Variants in TMEM232 observed in about 807,000 individuals in gnomAD.
The protein encoded by TMEM232 is transmembrane protein 232.
A neutral mutation model predicts 78.8 loss-of-function variants in TMEM232; 80 were observed. The ratio of observed to expected loss-of-function variants is 1.01; its 90% CI spans 0.85 to 1.22. TMEM232 has a LOEUF of 1.22. Ranked by LOEUF, TMEM232 falls within the 50% of genes most tolerant of loss-of-function variation. TMEM232 has a pLI of 0.00. For missense variants in TMEM232, 881 were observed against 742.2 expected (o/e 1.19, Z -2.17); for synonymous variants, 297 against 254.3 (o/e 1.17, Z -1.60).
At chr5:110,477,271 G>C (rs1010280748) in intron 12 of TMEM232, among the ~76,000 whole-genome samples, 3 of 151,836 alleles carry the variant, frequency 2.0e-5, no homozygotes, top group Admixed American at 2.0e-4. Flanking sequence ...TCCATAAAAA[G>C]CACCAAACTA....
chr5:110,408,604 A>G (rs59037355), intron 2 of TMEM232, among the ~76,000 whole-genome samples: 5,458 of 152,100 alleles, frequency 0.036, 350 homozygotes, highest in African/African-American at 0.13. Context: ...AACAAAACAA[A>G]ACAGAGACCC....
chr5:110,674,011 C>A (rs559537904), intron 1 of TMEM232, among the ~76,000 whole-genome samples: 11 of 141,296 alleles, frequency 7.8e-5, no homozygotes, highest in Non-Finnish European at 1.5e-4. Flanking sequence ...AAAAAGCAGT[C>A]TGAGGAAAAA....
At chr5:110,487,658 C>G (rs757828806) in intron 12 of TMEM232, among the ~76,000 whole-genome samples, 6 of 151,944 alleles carry the variant, frequency 3.9e-5, no homozygotes, top group Non-Finnish European at 7.4e-5. Context: ...GGTATAAAAC[C>G]CACTTGATGA....
chr5:110,738,699 G>C, upstream of TMEM232: 1 of 234,326 alleles, frequency 4.3e-6, no homozygotes, highest in South Asian at 5.2e-5. Flanking sequence ...TGTGACATGG[G>C]GTATTTCTGG....
At chr5:110,559,347 T>C (rs2149650156) in intron 11 of TMEM232, among the ~76,000 whole-genome samples, 1 of 152,232 alleles carries the variant, frequency 6.6e-6, no homozygotes, top group South Asian at 2.1e-4. Flanking sequence ...ATAAAATGAA[T>C]GGCGTTACAA....
intron 13 of TMEM232, 133 bp downstream of exon 13, chr5:110,424,690 T>C: frequency 1.4e-6 from 1 of 722,306 alleles, no homozygotes; most frequent in Non-Finnish European, 2.3e-6. Flanking sequence ...TATAATTCAG[T>C]TTGGCAAACC....
At chr5:110,647,175 G>A (rs1485876484) in intron 2 of TMEM232, among the ~76,000 whole-genome samples, 2 of 151,904 alleles carry the variant, frequency 1.3e-5, no homozygotes, top group Non-Finnish European at 2.9e-5. Flanking sequence ...AGTAAATGAA[G>A]AGATGTCCTT....
At chr5:110,624,637 A>C (rs1288182286) in intron 7 of TMEM232, among the ~76,000 whole-genome samples, 1 of 152,130 alleles carries the variant, frequency 6.6e-6, no homozygotes, top group East Asian at 1.9e-4. Flanking sequence ...TACTCAGTAA[A>C]TGTCACTTGT....
At chr5:110,506,832 A>G (rs771052018) in intron 12 of TMEM232, among the ~76,000 whole-genome samples, 9 of 152,146 alleles carry the variant, frequency 5.9e-5, no homozygotes, top group Non-Finnish European at 1.2e-4. Context: ...ACTTTCATTT[A>G]TTTAAGTATA....
intron 10 of TMEM232, among the ~76,000 whole-genome samples, chr5:110,575,347 T>C (rs1179570822): frequency 6.6e-6 from 1 of 152,034 alleles, no homozygotes; most frequent in Non-Finnish European, 1.5e-5. Context: ...CTTTAAAAGT[T>C]AGCTGATTCT....
At chr5:110,592,463 T>C (rs1005836326) in intron 10 of TMEM232, among the ~76,000 whole-genome samples, 1 of 152,168 alleles carries the variant, frequency 6.6e-6, no homozygotes, top group African/African-American at 2.4e-5. Flanking sequence ...TAGAAAAATG[T>C]ACTGACTTTG....
intron 11 of TMEM232, among the ~76,000 whole-genome samples, chr5:110,550,442 A>G (rs1016970686): frequency 1.1e-4 from 16 of 152,144 alleles, no homozygotes; most frequent in African/African-American, 3.4e-4. Flanking sequence ...AAGAAAATGT[A>G]AAAAAGTTTA....
intron 13 of TMEM232, among the ~76,000 whole-genome samples, chr5:110,421,004 CATT>C (rs1756579510): frequency 6.6e-6 from 1 of 150,536 alleles, no homozygotes; most frequent in African/African-American, 2.4e-5. Flanking sequence ...AAAAAGAAGA[CATT>C]ATAGGTTTTG....
intron 1 of TMEM232, among the ~76,000 whole-genome samples, chr5:110,702,853 T>G (rs1270033734): frequency 6.6e-6 from 1 of 152,022 alleles, no homozygotes; most frequent in African/African-American, 2.4e-5. Context: ...GAGCTTGTCA[T>G]TTGGCCAAAA....
At chr5:110,655,616 T>C (rs1440471513) in intron 2 of TMEM232, among the ~76,000 whole-genome samples, 1 of 148,858 alleles carries the variant, frequency 6.7e-6, no homozygotes, top group Non-Finnish European at 1.5e-5. Flanking sequence ...CGTATGTTTA[T>C]TGCGGCACTA....
intron 10 of TMEM232, among the ~76,000 whole-genome samples, chr5:110,586,893 A>G (rs1778881502): frequency 1.3e-5 from 2 of 152,184 alleles, no homozygotes; most frequent in South Asian, 2.1e-4. Flanking sequence ...GTGTAATCTT[A>G]TAACATTCTC....
At chr5:110,702,596 A>G (rs1345590917) in intron 1 of TMEM232, among the ~76,000 whole-genome samples, 3 of 152,014 alleles carry the variant, frequency 2.0e-5, no homozygotes, top group African/African-American at 4.8e-5. Flanking sequence ...GCTGCCTGAA[A>G]CAGTTGATGA....
intron 12 of TMEM232, among the ~76,000 whole-genome samples, chr5:110,434,250 T>C (rs1341073900): frequency 1.4e-5 from 2 of 147,772 alleles, no homozygotes; most frequent in African/African-American, 2.5e-5. Context: ...ACAGAGAAGA[T>C]TCAAATAAGC....
At chr5:110,656,246 A>C (rs1789037864) in intron 2 of TMEM232, among the ~76,000 whole-genome samples, 1 of 152,102 alleles carries the variant, frequency 6.6e-6, no homozygotes, top group African/African-American at 2.4e-5. Flanking sequence ...GTAAATCTAC[A>C]GTTTTTATCC....
Sources: allele counts gnomAD v4.1 joint callset (sites outside exome capture counted in the v4.1 genomes callset), GRCh38; gene constraint gnomAD v4.1.1; transcripts MANE v1.5; gene names NCBI Gene and HGNC (gene_info 2026-07-23, HGNC 2026-07-21).